ZC3H13: variants seen among roughly 807,000 people sequenced by gnomAD.
ZC3H13 encodes the protein zinc finger CCCH-type containing 13, also known as zinc finger CCCH domain-containing protein 13.
A neutral mutation model predicts 204.1 loss-of-function variants in ZC3H13; 64 were observed. The observed-to-expected ratio is 0.31, with a 90% CI of 0.26 to 0.39. The LOEUF is 0.39. ZC3H13 is among the 10% of genes least tolerant of loss of function. ZC3H13 has a pLI of 1.00. For missense variants in ZC3H13, 1,833 were observed against 2,082.7 expected, an observed-to-expected ratio of 0.88 and a Z score of 2.33; for synonymous variants, 667 against 693.7, an observed-to-expected ratio of 0.96 and a Z score of 0.60.
At chr13:46,046,208 T>C (rs1000279352) in intron 1 of ZC3H13, among the ~76,000 whole-genome samples, 3 of 152,200 alleles carry the variant, frequency 2.0e-5, no homozygotes, top group African/African-American at 7.2e-5. Flanking sequence ...TCGAGGTGTT[T>C]CTATAATCTA....
rs565448819 is a variant in ZC3H13 at position 46,002,896 on chromosome 13, A to T, written c.944+243T>A. On this transcript the variant is annotated intron_variant, in intron 8 of 18. Coordinates refer to ENST00000679008, the MANE Select transcript of ZC3H13 (RefSeq NM_001330564.2). ...CCAAACTATAAACTTTAAAATGATG[A>T]AGATGGTACATTTTGTTTTTTTACC... is the stretch of plus-strand genomic sequence containing the variant. 4.9e-5 allele frequency among the ~76,000 whole-genome samples: 5 copies of T among 102,662 alleles called. No individual in the cohort carries two copies. The East Asian group carries it at 1.3e-3, about 26-fold the overall frequency. 67.4% of individuals were successfully genotyped at this position (102,662 alleles called of 152,430 possible). A position where few individuals can be genotyped will look rare whatever the true frequency, so the allele number is the denominator to read the frequency against.
intron 13 of ZC3H13, 130 bp downstream of exon 13, chr13:45,970,232 T>C: frequency 1.0e-6 from 1 of 999,974 alleles, no homozygotes; most frequent in South Asian, 1.7e-5. Flanking sequence ...CAAAAGGAGA[T>C]ATTTAGAGGC....
intron 7 of ZC3H13, among the ~76,000 whole-genome samples, chr13:46,007,862 T>A (rs1478550896): frequency 1.3e-5 from 2 of 152,182 alleles, no homozygotes; most frequent in Non-Finnish European, 2.9e-5. Flanking sequence ...TTTGACATAC[T>A]TAATATTCTC....
Position 45,975,837 on chromosome 13 carries a change from A to G in ZC3H13, c.1914T>C (p.Asp638=). ...ERDRRDNRER[D]QRPSSPIRHQ... ...GTCGAATTGGTGAGCTTGGTCTTTG[A>G]TCTACAATGAAAATCAAGTTTTGTC... Residue 638 remains aspartate (D), a splice_region_variant and synonymous_variant, in exon 12 of 19, where the codon GAT becomes GAC. Transcript: ENST00000679008. 6.2e-7 allele frequency: 1 copy of G among 1,606,932 alleles called. No individual in the cohort carries two copies. The highest frequency in any genetic ancestry group is 1.7e-5 in the Admixed American group (1 of 59,578).
chr13:45,995,282 C>A (rs1280332626), intron 8 of ZC3H13, among the ~76,000 whole-genome samples: 1 of 152,148 alleles, frequency 6.6e-6, no homozygotes, highest in Non-Finnish European at 1.5e-5. Flanking sequence ...GCAAGTTGGA[C>A]AAAAGCTAAA....
intron 17 of ZC3H13, chr13:45,963,426 G>GTT (rs540293979): frequency 8.0e-5 from 69 of 862,664 alleles, no homozygotes; most frequent in South Asian, 1.6e-4. Flanking sequence ...TGGTTAATTT[G>GTT]TTTTTTTTTT....
In ZC3H13 at chr13:46,052,339, C is replaced by A. The variant is rs375815443; in HGVS notation, c.-10+65G>T. On this transcript the variant is annotated intron_variant, in intron 1 of 18. Transcript: ENST00000679008. The stretch of plus-strand genomic sequence containing the variant: ...CAAAGACGGGGGGGGGTAACCCGGG[C>A]CTCCGCATTACGGGTCCGCTCAATG... 1.4e-4 allele frequency: 53 copies of A among 392,592 alleles called. No individual in the cohort carries two copies. In the South Asian group the frequency reaches 7.0e-3, roughly 52 times the overall value. 24.3% of individuals were successfully genotyped at this position (392,592 alleles called of 1,614,324 possible). A position where few individuals can be genotyped will look rare whatever the true frequency, so the allele number is the denominator to read the frequency against.
chr13:46,016,241 A>G (rs370263597), intron 5 of ZC3H13, among the ~76,000 whole-genome samples: 2 of 152,276 alleles, frequency 1.3e-5, no homozygotes, highest in South Asian at 4.2e-4. Flanking sequence ...AGAAATTGAT[A>G]TGTGTCTGTA....
intron 4 of ZC3H13, among the ~76,000 whole-genome samples, chr13:46,031,756 A>C (rs982771370): frequency 1.3e-5 from 2 of 152,248 alleles, no homozygotes; most frequent in Non-Finnish European, 2.9e-5. Flanking sequence ...TGAATAGTCA[A>C]AATTCAATTC....
Position 45,975,723 on chromosome 13 carries a change from A to G in ZC3H13, c.2028T>C (p.Ala676=). 5 of 1,612,168 alleles carry G rather than the reference A, an allele frequency of 3.1e-6. No individual in the cohort carries two copies. In the South Asian group the frequency reaches 4.4e-5, roughly 14 times the overall value. The change falls in exon 12 of 19, where the codon GCT becomes GCC. Residue 676 remains alanine, a synonymous_variant. Transcript: ENST00000679008. ...GTTCTCGTTCCCGATCTCTCTCTCT[A>G]GCCCTTTCATCTCTCCTATCATCCA... The part of the protein sequence containing the change: ...DRVDDRRDER[A]RERDRERERD...
intron 4 of ZC3H13, among the ~76,000 whole-genome samples, chr13:46,034,817 G>A (rs9534290): frequency 1.3e-5 from 2 of 151,992 alleles, no homozygotes; most frequent in Non-Finnish European, 2.9e-5. Context: ...GGACATCTGG[G>A]CATAAAAATA....
intron 8 of ZC3H13, among the ~76,000 whole-genome samples, chr13:45,993,639 T>C (rs2040122633): frequency 6.6e-6 from 1 of 152,168 alleles, no homozygotes. Flanking sequence ...TAAGTGCCAT[T>C]TAAAATATAA....
At chr13:45,960,178 A>G (rs1205132664) in intron 17 of ZC3H13, among the ~76,000 whole-genome samples, 1 of 151,906 alleles carries the variant, frequency 6.6e-6, no homozygotes, top group Non-Finnish European at 1.5e-5. Flanking sequence ...GCTAGTCTTG[A>G]ACTCCTGACC....
At chr13:46,027,475 G>A (rs953689306) in intron 4 of ZC3H13, among the ~76,000 whole-genome samples, 5 of 152,102 alleles carry the variant, frequency 3.3e-5, no homozygotes, top group African/African-American at 1.2e-4. Context: ...CATGAAAAAC[G>A]GCTGAAATTT....
chr13:46,034,161 T>G (rs1248563066), intron 4 of ZC3H13, among the ~76,000 whole-genome samples: 1 of 152,166 alleles, frequency 6.6e-6, no homozygotes, highest in Non-Finnish European at 1.5e-5. Flanking sequence ...TGCCAAGTGT[T>G]GGTAAGAATA....
chr13:46,038,823 C>T (rs1175226901), intron 4 of ZC3H13, among the ~76,000 whole-genome samples: 1 of 152,102 alleles, frequency 6.6e-6, no homozygotes, highest in South Asian at 2.1e-4. Context: ...GAGTTCAAGA[C>T]CAGCCTGCCC....
intron 4 of ZC3H13, among the ~76,000 whole-genome samples, chr13:46,034,425 T>G (rs1224149770): frequency 2.6e-5 from 4 of 152,182 alleles, no homozygotes. Flanking sequence ...TTTTGATATA[T>G]CCATCTAATA....
rs775713991 is a variant in ZC3H13, at chr13:45,969,769, T to C, written c.2775A>G (p.Glu925=). The part of the protein sequence containing the change: ...SSVDKQREQT[E]ILESSRMRAQ... ...CACGCATTCTTGAGCTTTCCAGGATTTCTGTCTGTTCTCTCTGTTTATCTA... is the reference window on the plus strand; with the variant it reads ...CACGCATTCTTGAGCTTTCCAGGATCTCTGTCTGTTCTCTCTGTTTATCTA... The change falls in exon 14 of 19, where the codon GAA becomes GAG. Residue 925 remains glutamate (E), a synonymous_variant. Transcript: ENST00000679008. 5.0e-6 allele frequency: 8 copies of C among 1,613,812 alleles called. No individual in the cohort carries two copies. The South Asian group carries it at 8.8e-5, about 18-fold the overall frequency.
chr13:46,029,427 C>CTTTTT (rs964729202), intron 4 of ZC3H13, among the ~76,000 whole-genome samples: 1 of 138,840 alleles, frequency 7.2e-6, no homozygotes, highest in Non-Finnish European at 1.6e-5. Context: ...TGGACTACTT[C>CTTTTT]TTTTTTTTTT....
Sources: gnomAD v4.1 joint callset for allele counts (sites outside exome capture counted in the v4.1 genomes callset) on GRCh38, gnomAD v4.1.1 for gene constraint, MANE v1.5 for transcripts, NCBI Gene and HGNC (gene_info 2026-07-23, HGNC 2026-07-21) for gene names.